ADRA1A: variants seen among roughly 807,000 people sequenced by gnomAD.
The protein encoded by ADRA1A is alpha-1A adrenergic receptor.
ADRA1A carries 31 observed loss-of-function variants against 29.6 expected under a neutral mutation model. That is an observed-to-expected ratio of 1.05 (90% confidence interval 0.79 to 1.41). The LOEUF (loss-of-function observed/expected upper bound fraction) is 1.41. Among genes scored for constraint, ADRA1A ranks in the 40% most tolerant of loss-of-function variants. The probability of loss-of-function intolerance (pLI) is 0.00; values close to 1 mark genes in which losing one functional copy is unlikely to be tolerated. For missense variants in ADRA1A, 619 were observed against 601.1 expected (o/e 1.03, Z -0.31); for synonymous variants, 311 against 254.3 (o/e 1.22, Z -2.12).
At chr8:26,854,345 T>C (rs1812844431) in intron 2 of ADRA1A, 1 of 145,648 alleles carries the variant, frequency 6.9e-6, no homozygotes, top group African/African-American at 2.6e-5. Flanking sequence ...TGAGCCATGA[T>C]TGTGCCACTT....
chr8:26,756,940 G>A (rs905763286), intron 2 of ADRA1A: 8 of 1,132,658 alleles, frequency 7.1e-6, no homozygotes, highest in Non-Finnish European at 1.0e-5. Context: ...CAGTAGAGCG[G>A]GTTCTCAAGT....
intron 2 of ADRA1A, among the ~76,000 whole-genome samples, chr8:26,824,746 A>C (rs1585769971): frequency 6.6e-6 from 1 of 152,198 alleles, no homozygotes; most frequent in Admixed American, 6.5e-5. Context: ...AAAGAAAAGA[A>C]AAAACACACA....
Position 26,865,114 on chromosome 8 carries a change from C to T in ADRA1A, c.-145G>A. 6.8e-7 allele frequency: 1 copy of T among 1,476,184 alleles called. No homozygotes were observed. Among genetic ancestry groups the T allele is most frequent in the Non-Finnish European group, 8.9e-7 (1 of 1,122,758 alleles). The allele number at this position is 1,476,184 out of a possible 1,614,324, so 91.4% of individuals were successfully genotyped here. A position where few individuals can be genotyped will look rare whatever the true frequency, so the allele number is the denominator to read the frequency against. On this transcript the variant is annotated 5_prime_UTR_variant, in exon 2 of 3. Coordinates refer to ENST00000380573, the MANE Select transcript of ADRA1A (RefSeq NM_000680.4). This position sits in a 1 kb window ranked among gnomAD's most constrained non-coding sequence, Gnocchi z 7.6. The stretch of plus-strand genomic sequence containing the variant: ...GGGTTTGGCTGGGGGTGAGAGCGCG[C>T]GCGCGGGTGGGAAACAACCCTGGCC...
At chr8:26,811,683 G>A (rs937988105) in intron 2 of ADRA1A, among the ~76,000 whole-genome samples, 7 of 152,158 alleles carry the variant, frequency 4.6e-5, no homozygotes, top group Admixed American at 2.6e-4. Flanking sequence ...GATTTGTAAA[G>A]TTCCAAATCT....
intron 2 of ADRA1A, among the ~76,000 whole-genome samples, chr8:26,751,376 G>A (rs896960336): frequency 2.6e-5 from 4 of 152,188 alleles, no homozygotes; most frequent in African/African-American, 9.7e-5. Flanking sequence ...AAGGCAATTT[G>A]TATTTATAAA....
At chr8:26,783,518 A>C (rs531978245) in intron 2 of ADRA1A, among the ~76,000 whole-genome samples, 1 of 152,352 alleles carries the variant, frequency 6.6e-6, no homozygotes, top group South Asian at 2.1e-4. Context: ...CGAAGGCCAA[A>C]GAATATTCAG....
chr8:26,757,518 A>AC (rs377179358), intron 2 of ADRA1A, among the ~76,000 whole-genome samples: 3,659 of 148,186 alleles, frequency 0.025, 140 homozygotes, highest in African/African-American at 0.073. Context: ...CATTTCCCCC[A>AC]CCCCCCACCT....
chr8:26,835,537 C>G (rs774457729), intron 2 of ADRA1A, among the ~76,000 whole-genome samples: 9 of 152,190 alleles, frequency 5.9e-5, no homozygotes, highest in Non-Finnish European at 1.0e-4. Flanking sequence ...GAGGGCCAAG[C>G]GAAGGGAGAA....
intron 2 of ADRA1A, among the ~76,000 whole-genome samples, chr8:26,839,552 T>G (rs979319080): frequency 6.6e-6 from 1 of 152,176 alleles, no homozygotes; most frequent in Non-Finnish European, 1.5e-5. Context: ...TTGGGCTTAA[T>G]TACATGCTAG....
chr8:26,853,112 GAAT>G (rs1812756855), intron 2 of ADRA1A, among the ~76,000 whole-genome samples: 1 of 150,156 alleles, frequency 6.7e-6, no homozygotes, highest in Non-Finnish European at 1.5e-5. Context: ...CATTTTTATT[GAAT>G]AATATTAAAA....
chr8:26,827,142 A>G (rs1458618171), intron 2 of ADRA1A, among the ~76,000 whole-genome samples: 2 of 152,224 alleles, frequency 1.3e-5, no homozygotes, highest in East Asian at 3.8e-4. Flanking sequence ...GTAAGCACTA[A>G]ATAAAGGTTA....
At chr8:26,785,644 A>G (rs545137817) in intron 2 of ADRA1A, among the ~76,000 whole-genome samples, 1 of 152,142 alleles carries the variant, frequency 6.6e-6, no homozygotes, top group South Asian at 2.1e-4. Context: ...CAAGCTGAGT[A>G]TCTGCAGCTA....
At chr8:26,794,977 A>T (rs1463239340) in intron 2 of ADRA1A, among the ~76,000 whole-genome samples, 1 of 152,160 alleles carries the variant, frequency 6.6e-6, no homozygotes, top group South Asian at 2.1e-4. Context: ...ATAATTTGTT[A>T]CCTGGAAAAC....
Position 26,865,328 on chromosome 8 carries a change from C to T in ADRA1A, c.-359G>A, listed in dbSNP as rs1813829640. 1 of 1,090,734 alleles carries T rather than the reference C, an allele frequency of 9.2e-7. No homozygotes were observed. The highest frequency in any genetic ancestry group is 3.3e-5 in the South Asian group (1 of 30,236). 67.6% of individuals were successfully genotyped at this position (1,090,734 alleles called of 1,614,324 possible). On this transcript the variant is annotated 5_prime_UTR_variant, in exon 2 of 3. Coordinates refer to ENST00000380573, the MANE Select transcript of ADRA1A (RefSeq NM_000680.4). The surrounding 1 kb of genome is among the most constrained non-coding windows in gnomAD (Gnocchi z 7.6). ...CTTGCAACATGCAATTCCAGAATTA[C>T]GAGAATCTGCTTTTCCGCGCTGTCT...
At position 26,769,280 on chromosome 8, in the gene ADRA1A, A is replaced by C; in HGVS notation, c.*869T>G. ...GTGAACAGCCTCTATCTTTGCAAGA[A>C]ATTAACAGCCACACCAACCTCTTGC... On this transcript the variant is annotated 3_prime_UTR_variant, in exon 3 of 3. Transcript: ENST00000380573. 1 of 985,466 alleles carries C rather than the reference A, an allele frequency of 1.0e-6. No individual in the cohort carries two copies. Among genetic ancestry groups the C allele is most frequent in the South Asian group, 4.7e-5 (1 of 21,286 alleles). The allele number at this position is 985,466 out of a possible 1,614,324, so 61.0% of individuals were successfully genotyped here. A position where few individuals can be genotyped will look rare whatever the true frequency, so the allele number is the denominator to read the frequency against.
rs1282326658 is a variant in ADRA1A, at chr8:26,841,867, C to T, written c.883+22220G>A. On this transcript the variant is annotated intron_variant, in intron 2 of 2. Transcript: ENST00000380573. The surrounding 1 kb of genome is among the most constrained non-coding windows in gnomAD (Gnocchi z 4.4). ...TGATATTGGCGCCACTTTCTCTTCA[C>T]TAAAATTCTCTCTTCTTTTTGTTGC... 6.6e-6 allele frequency among the ~76,000 whole-genome samples: 1 copy of T among 152,164 alleles called. No homozygotes were observed. Among genetic ancestry groups the T allele is most frequent in the Non-Finnish European group, 1.5e-5 (1 of 68,022 alleles).
downstream of ADRA1A, among the ~76,000 whole-genome samples, chr8:26,755,188 G>C (rs969777985): frequency 6.8e-6 from 1 of 146,426 alleles, no homozygotes; most frequent in South Asian, 2.2e-4. Context: ...GAAAGAAATA[G>C]ACCTCCTTTT....
Position 26,768,998 on chromosome 8 carries a change from T to A in ADRA1A, c.*1151A>T. 1 of 985,468 alleles carries A rather than the reference T, an allele frequency of 1.0e-6. No homozygotes were observed. Among genetic ancestry groups the A allele is most frequent in the Non-Finnish European group, 1.2e-6 (1 of 829,922 alleles). 61.0% of individuals were successfully genotyped at this position (985,468 alleles called of 1,614,324 possible). A position where few individuals can be genotyped will look rare whatever the true frequency, so the allele number is the denominator to read the frequency against. The stretch of plus-strand genomic sequence containing the variant: ...CGTTAGACAGTTCTTTGGTGATCCA[T>A]CAGTATTGTCTGAAGCTAAGCATTA... On this transcript the variant is annotated 3_prime_UTR_variant, in exon 3 of 3. Coordinates refer to ENST00000380573, the MANE Select transcript of ADRA1A (RefSeq NM_000680.4).
intron 2 of ADRA1A, among the ~76,000 whole-genome samples, chr8:26,771,289 C>A (rs111329040): frequency 0.029 from 4,391 of 152,330 alleles, 203 homozygotes; most frequent in African/African-American, 0.1. Flanking sequence ...TCGATGTCTC[C>A]CAAATGTGTG....
Sources: gnomAD v4.1 joint callset for allele counts (sites outside exome capture counted in the v4.1 genomes callset) on GRCh38, gnomAD v4.1.1 for gene constraint, Gnocchi (gnomAD v3.1) non-coding constraint, MANE v1.5 for transcripts, NCBI Gene and HGNC (gene_info 2026-07-23, HGNC 2026-07-21) for gene names.